DLG2: variants seen among roughly 807,000 people sequenced by gnomAD.
The protein encoded by DLG2 is disks large homolog 2.
DLG2 carries 45 observed loss-of-function variants against 132.5 expected under a neutral mutation model. The ratio of observed to expected loss-of-function variants is 0.34; its 90% CI spans 0.27 to 0.44. The LOEUF (loss-of-function observed/expected upper bound fraction) is 0.44, where lower values mean the gene tolerates loss of function less well. Ranked by LOEUF, DLG2 falls within the 20% of genes least tolerant of loss-of-function variation. DLG2 has a pLI of 1.00. For synonymous variants in DLG2, 424 were observed against 419.6 expected, an observed-to-expected ratio of 1.01 and a Z score of -0.13; for missense variants, 1,045 against 1,196.9, an observed-to-expected ratio of 0.87 and a Z score of 1.87.
intron 4 of DLG2, among the ~76,000 whole-genome samples, chr11:85,246,188 T>C (rs2076126957): frequency 6.6e-6 from 1 of 151,970 alleles, no homozygotes; most frequent in Non-Finnish European, 1.5e-5. Flanking sequence ...CAAATGCCTA[T>C]AAAAGTATCA....
chr11:85,157,057 G>A (rs2077639503), intron 4 of DLG2, among the ~76,000 whole-genome samples: 1 of 152,166 alleles, frequency 6.6e-6, no homozygotes, highest in South Asian at 2.1e-4. Context: ...AGCTGCCAGT[G>A]CAGCTAGGAT....
chr11:85,364,688 C>G (rs531808817), intron 3 of DLG2, among the ~76,000 whole-genome samples: 3 of 152,170 alleles, frequency 2.0e-5, no homozygotes, highest in Non-Finnish European at 2.9e-5. Context: ...ATAAACTAGA[C>G]AGAATTGTTA....
At chr11:83,901,199 G>A (rs1016717966) in intron 15 of DLG2, among the ~76,000 whole-genome samples, 2 of 152,198 alleles carry the variant, frequency 1.3e-5, no homozygotes, top group Non-Finnish European at 2.9e-5. Context: ...CTCATAGGCG[G>A]AAGGGACTTG....
At chr11:84,127,301 T>C (rs538996997) in intron 9 of DLG2, among the ~76,000 whole-genome samples, 38 of 152,346 alleles carry the variant, frequency 2.5e-4, no homozygotes, top group African/African-American at 7.0e-4. Flanking sequence ...AGTTCTGACA[T>C]ACATTCCAAT....
Position 84,518,878 on chromosome 11 carries a change from T to G in DLG2, c.519+15692A>C, listed in dbSNP as rs936995727. On this transcript the variant is annotated intron_variant, in intron 7 of 27. Transcript: ENST00000376104. ...TACAGAATGACATTGGATGCTGAAGTGAAAAATACCAACCACATTTCTCTG... is the reference window on the plus strand; with the variant it reads ...TACAGAATGACATTGGATGCTGAAGGGAAAAATACCAACCACATTTCTCTG... Among the ~76,000 whole-genome samples the G allele has an allele frequency of 2.0e-5, 3 of 152,218 alleles. No homozygotes were observed. The South Asian group carries it at 6.2e-4, about 32-fold the overall frequency.
intron 9 of DLG2, among the ~76,000 whole-genome samples, chr11:84,126,664 A>G (rs2094188894): frequency 6.6e-6 from 1 of 152,222 alleles, no homozygotes; most frequent in African/African-American, 2.4e-5. Context: ...ATTCAACCTC[A>G]TTAGTAATAA....
chr11:83,758,879 T>C (rs1178746343), intron 18 of DLG2, among the ~76,000 whole-genome samples: 2 of 152,176 alleles, frequency 1.3e-5, no homozygotes, highest in African/African-American at 2.4e-5. Context: ...TTTTGTAATA[T>C]AATATTTTTA....
intron 17 of DLG2, among the ~76,000 whole-genome samples, chr11:83,823,851 T>A (rs754421726): frequency 1.3e-5 from 2 of 152,176 alleles, no homozygotes; most frequent in African/African-American, 2.4e-5. Flanking sequence ...CTCATATGTC[T>A]CCTTTTAAAT....
At chr11:85,468,262 G>A (rs2092867069) in intron 3 of DLG2, among the ~76,000 whole-genome samples, 1 of 152,046 alleles carries the variant, frequency 6.6e-6, no homozygotes, top group African/African-American at 2.4e-5. Context: ...CAAAAAACCA[G>A]CTCCTGGATT....
intron 3 of DLG2, among the ~76,000 whole-genome samples, chr11:85,525,712 G>A (rs1350309334): frequency 6.6e-6 from 1 of 152,174 alleles, no homozygotes; most frequent in Non-Finnish European, 1.5e-5. Flanking sequence ...AATGAGGTAA[G>A]CCCTATTCTC....
chr11:83,653,834 TG>T (rs1349627576), intron 18 of DLG2, among the ~76,000 whole-genome samples: 1 of 150,530 alleles, frequency 6.6e-6, no homozygotes, highest in Admixed American at 6.6e-5. Context: ...GAGATTCTCC[TG>T]TGCCAGCCTC....
At chr11:85,518,446 C>T (rs2094212529) in intron 3 of DLG2, among the ~76,000 whole-genome samples, 1 of 152,128 alleles carries the variant, frequency 6.6e-6, no homozygotes, top group African/African-American at 2.4e-5. Flanking sequence ...ATTTGTAGAA[C>T]TTTCAACTTA....
intron 7 of DLG2, among the ~76,000 whole-genome samples, chr11:84,443,442 T>C (rs945424130): frequency 6.6e-6 from 1 of 152,202 alleles, no homozygotes; most frequent in Non-Finnish European, 1.5e-5. Context: ...ATGTAATTGG[T>C]GGATCACAGA....
chr11:84,880,777 T>C (rs1463818598), intron 6 of DLG2, among the ~76,000 whole-genome samples: 1 of 152,154 alleles, frequency 6.6e-6, no homozygotes, highest in Admixed American at 6.6e-5. Flanking sequence ...TTGGTATTGG[T>C]TGACTTTTAG....
At chr11:84,545,229 G>A (rs1206026589) in intron 6 of DLG2, 3 of 466,864 alleles carry the variant, frequency 6.4e-6, no homozygotes, top group Non-Finnish European at 8.4e-6. Flanking sequence ...CATCACCAGA[G>A]GGGCTGGAGC....
chr11:83,576,885 T>G (rs1176376530), intron 19 of DLG2, among the ~76,000 whole-genome samples: 1 of 152,162 alleles, frequency 6.6e-6, no homozygotes, highest in African/African-American at 2.4e-5. Context: ...ACCTAAGCCT[T>G]TTCCTTGTTA....
intron 7 of DLG2, among the ~76,000 whole-genome samples, chr11:84,519,135 GA>G (rs2099284875): frequency 6.6e-6 from 1 of 152,086 alleles, no homozygotes; most frequent in African/African-American, 2.4e-5. Flanking sequence ...CAGCAATTCT[GA>G]ACCTGTCAAT....
intron 7 of DLG2, among the ~76,000 whole-genome samples, chr11:84,458,776 T>G (rs891850713): frequency 1.3e-5 from 2 of 150,600 alleles, no homozygotes; most frequent in Non-Finnish European, 3.0e-5. Flanking sequence ...AAGTATGAAG[T>G]TTTCATGATT....
intron 6 of DLG2, chr11:84,923,001 G>T: frequency 6.3e-7 from 1 of 1,576,616 alleles, no homozygotes; most frequent in African/African-American, 1.3e-5. Flanking sequence ...AAGTCCTGAA[G>T]CTACACAAGG....
Sources: allele counts gnomAD v4.1 joint callset (sites outside exome capture counted in the v4.1 genomes callset), GRCh38; gene constraint gnomAD v4.1.1; transcripts MANE v1.5; gene names NCBI Gene and HGNC (gene_info 2026-07-23, HGNC 2026-07-21).